RPS27A: variants seen among roughly 807,000 people sequenced by gnomAD.
The protein encoded by RPS27A is ubiquitin-ribosomal protein eS31 fusion protein.
Under a neutral mutation model 18.9 loss-of-function variants are expected in RPS27A, and 1 was observed. The observed-to-expected ratio is 0.05, with a 90% confidence interval of 0.02 to 0.25. The LOEUF (loss-of-function observed/expected upper bound fraction) is 0.25, where lower values mean the gene tolerates loss of function less well. Ranked by LOEUF, RPS27A falls within the 10% of genes least tolerant of loss-of-function variation. The pLI is 1.00. For missense variants in RPS27A, 123 were observed against 187.4 expected (o/e 0.66, Z 2.01); for synonymous variants, 77 against 63.7 (o/e 1.21, Z -0.99).
At chr2:55,231,980 A>C (rs1001708874), upstream of RPS27A, 1 of 152,272 alleles carries the variant, frequency 6.6e-6, no homozygotes, top group African/African-American at 2.4e-5. Context: ...GAAAGGGCTG[A>C]ACCCCCGCTT....
intron 3 of RPS27A, 180 bp downstream of exon 3, chr2:55,233,597 TGA>T (rs1355765483): frequency 1.6e-6 from 1 of 636,504 alleles, no homozygotes; most frequent in Non-Finnish European, 2.8e-6. Flanking sequence ...TTGGAATCCT[TGA>T]GGTGTATTTC....
chr2:55,234,990 G>C, intron 5 of RPS27A, 28 bp downstream of exon 5: 2 of 1,610,746 alleles, frequency 1.2e-6, no homozygotes, highest in South Asian at 2.2e-5. Flanking sequence ...CAGAATGTCA[G>C]CAAAGTCTTG....
chr2:55,235,850 A>G lies in RPS27A; in HGVS notation c.*273A>G, dbSNP rs751030286. Reference sequence around the variant, plus strand: ...TATATTTAATGTAAGTTGTCTAAATATAAGCCAGTTTGTGTTTCTGTCCAT... The same window carrying G: ...TATATTTAATGTAAGTTGTCTAAATGTAAGCCAGTTTGTGTTTCTGTCCAT... On this transcript the variant is annotated 3_prime_UTR_variant, in exon 6 of 6. Coordinates refer to ENST00000272317, the MANE Select transcript of RPS27A (RefSeq NM_002954.6). The G allele has an allele frequency of 1.1e-5, 5 of 472,460 alleles. No homozygotes were observed. Among genetic ancestry groups the G allele is most frequent in the Middle Eastern group, 1.2e-3 (2 of 1,618 alleles). The allele number at this position is 472,460 out of a possible 1,614,324, so 29.3% of individuals were successfully genotyped here.
chr2:55,235,594 A>G lies in RPS27A; in HGVS notation c.*17A>G, dbSNP rs1428847633. The G allele has an allele frequency of 5.0e-6, 8 of 1,599,146 alleles. No individual in the cohort carries two copies. Among genetic ancestry groups the G allele is most frequent in the Non-Finnish European group, 5.9e-6 (7 of 1,179,632 alleles). On this transcript the variant is annotated 3_prime_UTR_variant, in exon 6 of 6. Coordinates refer to ENST00000272317, the MANE Select transcript of RPS27A (RefSeq NM_002954.6). ...GACAAGTAACTGTATGAGTTAATAA[A>G]AGACATGAACTAACATTTATTGTTG...
upstream of RPS27A, chr2:55,232,519 G>C (rs1278021032): frequency 1.2e-5 from 6 of 493,704 alleles, no homozygotes; most frequent in South Asian, 6.4e-5. Context: ...GAAGGCTAAA[G>C]TGAGAAATAA....
chr2:55,232,943 T>C (rs1404783023), intron 2 of RPS27A, 71 bp downstream of exon 2: 1 of 1,213,598 alleles, frequency 8.2e-7, no homozygotes, highest in African/African-American at 1.5e-5. Context: ...GGACCGGCGC[T>C]GCTTTCCATG....
At chr2:55,233,070 T>C (rs932872537) in intron 2 of RPS27A, 198 bp downstream of exon 2, 11 of 665,628 alleles carry the variant, frequency 1.7e-5, no homozygotes, top group Non-Finnish European at 3.0e-5. Context: ...CTGTCTCCTC[T>C]CGAGGGGTTC....
At chr2:55,232,997 T>TGAA (rs1424133917) in intron 2 of RPS27A, 125 bp downstream of exon 2, 2 of 835,974 alleles carry the variant, frequency 2.4e-6, no homozygotes, top group Non-Finnish European at 4.1e-6. Flanking sequence ...ACTTAAGCTT[T>TGAA]GAAATGAGTA....
At chr2:55,233,074 G>C in intron 2 of RPS27A, 1 of 663,920 alleles carries the variant, frequency 1.5e-6, no homozygotes, top group South Asian at 1.7e-5. Context: ...CTCCTCTCGA[G>C]GGGTTCCAGC....
At chr2:55,233,316 T>C in intron 2 of RPS27A, 47 bp from the exon 3 acceptor site, 2 of 1,452,964 alleles carry the variant, frequency 1.4e-6, no homozygotes, top group African/African-American at 1.4e-5. Context: ...AGTTCTGCTG[T>C]AGTTCCTTAA....
chr2:55,235,260 A>G, intron 5 of RPS27A, 168 bp from the exon 6 acceptor site: 3 of 821,100 alleles, frequency 3.7e-6, no homozygotes, highest in East Asian at 2.6e-5. Context: ...AGACTTCTGA[A>G]TGTTTTCATT....
intron 3 of RPS27A, 164 bp downstream of exon 3, chr2:55,233,581 C>T (rs866893449): frequency 1.1e-4 from 75 of 662,478 alleles, no homozygotes; most frequent in African/African-American, 1.6e-4. Context: ...GAGCACAGTA[C>T]CTAGATTGGA....
Position 55,233,679 on chromosome 2 carries a change from G to GA in RPS27A, c.103+263dup, listed in dbSNP as rs1242189524. 10 of 518,606 alleles carry GA rather than the reference G, an allele frequency of 1.9e-5. No homozygotes were observed. The East Asian group carries it at 3.5e-4, about 18-fold the overall frequency. 32.1% of individuals were successfully genotyped at this position (518,606 alleles called of 1,614,324 possible). A position where few individuals can be genotyped will look rare whatever the true frequency, so the allele number is the denominator to read the frequency against. On this transcript the variant is annotated intron_variant, in intron 3 of 5. Coordinates refer to ENST00000272317, the MANE Select transcript of RPS27A (RefSeq NM_002954.6). Reference sequence around the variant, plus strand: ...GGAGTCTCCTCTGTCGCCCAGGCTGGAGTGCATTCGCTTGTCCCGGCTTAC... The same window carrying GA: ...GGAGTCTCCTCTGTCGCCCAGGCTGGAAGTGCATTCGCTTGTCCCGGCTTAC...
upstream of RPS27A, chr2:55,232,409 A>C: frequency 3.5e-6 from 1 of 286,860 alleles, no homozygotes; most frequent in Non-Finnish European, 6.9e-6. Flanking sequence ...GCCCCCCTCG[A>C]CCTCCTTTTA....
intron 1 of RPS27A, 41 bp downstream of exon 1, chr2:55,232,749 A>G (rs1250568877): frequency 5.2e-6 from 7 of 1,353,974 alleles, no homozygotes; most frequent in Middle Eastern, 2.5e-4. Flanking sequence ...TTAGCACCCT[A>G]TGGTGCCTTC....
At chr2:55,234,667 T>TA (rs1157993357) in intron 4 of RPS27A, 164 bp from the exon 5 acceptor site, 1 of 776,660 alleles carries the variant, frequency 1.3e-6, no homozygotes, top group Non-Finnish European at 2.1e-6. Flanking sequence ...AATGTCCCTA[T>TA]AAACTGTCAG....
chr2:55,235,343 T>G, intron 5 of RPS27A, 85 bp from the exon 6 acceptor site: 8 of 1,490,616 alleles, frequency 5.4e-6, no homozygotes, highest in Non-Finnish European at 7.5e-6. Context: ...ATTACACAGT[T>G]AAAAGCTTAA....
chr2:55,235,117 TTC>T, intron 5 of RPS27A, 155 bp downstream of exon 5: 1 of 872,344 alleles, frequency 1.1e-6, no homozygotes, highest in Non-Finnish European at 1.8e-6. Context: ...AATTCAGACT[TTC>T]TGGGGTTTTT....
chr2:55,233,073 A>T (rs753294900), intron 2 of RPS27A: 30 of 663,482 alleles, frequency 4.5e-5, no homozygotes, highest in Non-Finnish European at 5.8e-5. Context: ...TCTCCTCTCG[A>T]GGGGTTCCAG....
Sources: gnomAD v4.1 joint callset for allele counts on GRCh38, gnomAD v4.1.1 for gene constraint, MANE v1.5 for transcripts, NCBI Gene and HGNC (gene_info 2026-07-23, HGNC 2026-07-21) for gene names.